The following GRIN3A variants were observed in gnomAD, a reference collection of about 807,000 sequenced individuals.
The protein encoded by GRIN3A is glutamate receptor ionotropic, NMDA 3A.
GRIN3A carries 47 observed loss-of-function variants against 92.4 expected under a neutral mutation model. The ratio of observed to expected loss-of-function variants is 0.51; its 90% CI spans 0.40 to 0.65. GRIN3A has a LOEUF of 0.65. GRIN3A is among the 30% of genes least tolerant of loss of function. The probability of loss-of-function intolerance (pLI) is 0.00; values close to 1 mark genes in which losing one functional copy is unlikely to be tolerated. For synonymous variants in GRIN3A, 527 were observed against 540.6 expected, an observed-to-expected ratio of 0.97 and a Z score of 0.35; for missense variants, 1,324 against 1,393.1, an observed-to-expected ratio of 0.95 and a Z score of 0.79.
At chr9:101,679,270 T>G (rs1031420042) in intron 2 of GRIN3A, among the ~76,000 whole-genome samples, 6 of 152,114 alleles carry the variant, frequency 3.9e-5, no homozygotes, top group African/African-American at 1.4e-4. Flanking sequence ...TTACAGTAGA[T>G]GCATATAAAG....
intron 1 of GRIN3A, among the ~76,000 whole-genome samples, chr9:101,725,074 C>T (rs1830068209): frequency 2.0e-5 from 3 of 152,130 alleles, no homozygotes; most frequent in African/African-American, 7.2e-5. Flanking sequence ...GAGTGTGGCA[C>T]ACCCCACTCC....
chr9:101,685,325 T>TC (rs1829518656), intron 2 of GRIN3A, among the ~76,000 whole-genome samples: 1 of 151,024 alleles, frequency 6.6e-6, no homozygotes, highest in African/African-American at 2.4e-5. Context: ...TTTTTTTTTT[T>TC]TTGAGACGGA....
At chr9:101,626,409 G>T (rs1828635477) in intron 4 of GRIN3A, among the ~76,000 whole-genome samples, 1 of 152,178 alleles carries the variant, frequency 6.6e-6, no homozygotes, top group African/African-American at 2.4e-5. Flanking sequence ...CACAGGCAAT[G>T]CTAGGGGTTG....
chr9:101,721,384 T>G (rs1322809161), intron 1 of GRIN3A, among the ~76,000 whole-genome samples: 3 of 152,160 alleles, frequency 2.0e-5, no homozygotes, highest in African/African-American at 4.8e-5. Context: ...TTCTTCCCAG[T>G]CTGGGGCATG....
intron 6 of GRIN3A, among the ~76,000 whole-genome samples, chr9:101,605,358 C>T (rs1002414040): frequency 1.4e-4 from 22 of 152,172 alleles, no homozygotes; most frequent in African/African-American, 4.8e-4. Flanking sequence ...CATAAAATAT[C>T]TCAGTTTTGC....
intron 6 of GRIN3A, among the ~76,000 whole-genome samples, chr9:101,606,475 C>G (rs773436716): frequency 5.3e-5 from 8 of 152,108 alleles, no homozygotes; most frequent in Non-Finnish European, 1.0e-4. Context: ...CTATTTCTCC[C>G]TGGGTTCTAA....
chr9:101,707,410 T>C (rs890607043), intron 1 of GRIN3A, among the ~76,000 whole-genome samples: 2 of 152,210 alleles, frequency 1.3e-5, no homozygotes, highest in African/African-American at 2.4e-5. Context: ...TCTTTATGGC[T>C]ACTTTATTAT....
intron 2 of GRIN3A, among the ~76,000 whole-genome samples, chr9:101,682,853 G>A (rs1463408024): frequency 1.3e-5 from 2 of 152,138 alleles, no homozygotes; most frequent in African/African-American, 4.8e-5. Context: ...GTGGTGGCGG[G>A]CGCCTGTAGT....
intron 3 of GRIN3A, among the ~76,000 whole-genome samples, chr9:101,652,129 G>A (rs576758655): frequency 6.6e-6 from 1 of 152,174 alleles, no homozygotes. Flanking sequence ...ACGGTGCCAT[G>A]AGGAGTCATA....
At chr9:101,728,400 A>G (rs1167844521) in intron 1 of GRIN3A, among the ~76,000 whole-genome samples, 2 of 152,088 alleles carry the variant, frequency 1.3e-5, no homozygotes, top group African/African-American at 4.8e-5. Flanking sequence ...TATTCCTAAG[A>G]ATGTTTTTGA....
intron 2 of GRIN3A, among the ~76,000 whole-genome samples, chr9:101,682,826 C>CA (rs1294518799): frequency 2.0e-5 from 3 of 151,822 alleles, no homozygotes; most frequent in African/African-American, 2.4e-5. Context: ...ACTAAAAATA[C>CA]AAAAAATTAG....
chr9:101,594,261 T>C (rs1828075712), intron 6 of GRIN3A: 2 of 981,220 alleles, frequency 2.0e-6, no homozygotes. Flanking sequence ...AGCACTGAGT[T>C]GGTGATGAAG....
At chr9:101,724,117 C>T (rs1039770639) in intron 1 of GRIN3A, among the ~76,000 whole-genome samples, 2 of 152,216 alleles carry the variant, frequency 1.3e-5, no homozygotes, top group Admixed American at 6.5e-5. Context: ...TGCGCCCGCA[C>T]TCCTCAGCCC....
At chr9:101,680,527 AT>A (rs1476407502) in intron 2 of GRIN3A, among the ~76,000 whole-genome samples, 1 of 152,232 alleles carries the variant, frequency 6.6e-6, no homozygotes, top group Non-Finnish European at 1.5e-5. Context: ...TTGAATCATA[AT>A]TCAGGGTCAA....
chr9:101,724,504 T>G (rs1830060177), intron 1 of GRIN3A, among the ~76,000 whole-genome samples: 1 of 151,942 alleles, frequency 6.6e-6, no homozygotes, highest in African/African-American at 2.4e-5. Flanking sequence ...CGCACCTCCC[T>G]GCAAGCTGAG....
intron 1 of GRIN3A, among the ~76,000 whole-genome samples, chr9:101,730,847 T>C (rs1830129309): frequency 6.6e-6 from 1 of 152,112 alleles, no homozygotes; most frequent in Non-Finnish European, 1.5e-5. Flanking sequence ...TTTTCTCTTA[T>C]TATTTTTTAA....
At chr9:101,710,669 C>A (rs559345286) in intron 1 of GRIN3A, among the ~76,000 whole-genome samples, 36 of 152,330 alleles carry the variant, frequency 2.4e-4, no homozygotes, top group African/African-American at 7.0e-4. Flanking sequence ...GAAAAGTCAA[C>A]CTCTGGTGAT....
intron 8 of GRIN3A, 35 bp downstream of exon 8, chr9:101,577,733 A>C (rs745643463): frequency 4.2e-6 from 6 of 1,432,736 alleles, no homozygotes; most frequent in Non-Finnish European, 5.9e-6. Context: ...ATTATTTTAC[A>C]AATATAAAGA....
intron 6 of GRIN3A, among the ~76,000 whole-genome samples, chr9:101,606,803 A>T (rs1015761346): frequency 6.6e-6 from 1 of 152,112 alleles, no homozygotes; most frequent in East Asian, 1.9e-4. Flanking sequence ...GAGGTTGCTA[A>T]ACTGTGGTCG....
Sources: gnomAD v4.1 joint callset for allele counts (sites outside exome capture counted in the v4.1 genomes callset) on GRCh38, gnomAD v4.1.1 for gene constraint, MANE v1.5 for transcripts, NCBI Gene and HGNC (gene_info 2026-07-23, HGNC 2026-07-21) for gene names.